Variants in STK31 observed in about 807,000 individuals in gnomAD.
The protein encoded by STK31 is serine/threonine kinase 31.
Under a neutral mutation model 129.7 loss-of-function variants are expected in STK31, and 89 were observed. The observed-to-expected ratio is 0.69, with a 90% CI of 0.58 to 0.82. STK31 has a LOEUF of 0.82. STK31 is among the 40% of genes least tolerant of loss of function. STK31 has a pLI of 0.00. For synonymous variants in STK31, 448 were observed against 395.3 expected, an observed-to-expected ratio of 1.13 and a Z score of -1.58; for missense variants, 1,187 against 1,176.4, an observed-to-expected ratio of 1.01 and a Z score of -0.13.
chr7:23,739,889 G>A (rs1787953243), intron 8 of STK31, among the ~76,000 whole-genome samples: 1 of 152,128 alleles, frequency 6.6e-6, no homozygotes, highest in South Asian at 2.1e-4. Flanking sequence ...TTGTAGTATA[G>A]TTTGAAGTCA....
chr7:23,715,631 A>T (rs928750985), intron 3 of STK31, among the ~76,000 whole-genome samples: 4 of 152,016 alleles, frequency 2.6e-5, no homozygotes, highest in Admixed American at 2.0e-4. Flanking sequence ...GTATAGTGAA[A>T]AAATATAGTT....
intron 23 of STK31, among the ~76,000 whole-genome samples, chr7:23,822,787 C>T (rs1416782989): frequency 6.6e-6 from 1 of 152,118 alleles, no homozygotes; most frequent in Non-Finnish European, 1.5e-5. Flanking sequence ...TGATGTTCCC[C>T]TTCCTGTGTC....
chr7:23,830,258 G>T (rs1388892569), intron 23 of STK31, among the ~76,000 whole-genome samples: 1 of 151,872 alleles, frequency 6.6e-6, no homozygotes, highest in Non-Finnish European at 1.5e-5. Context: ...TTTTTTTGTG[G>T]ATCCTTTGTA....
Position 23,769,721 on chromosome 7 carries a change from T to A in STK31, c.1678T>A (p.Ser560Thr). 1.2e-6 allele frequency: 2 copies of A among 1,610,996 alleles called. No homozygotes were observed. Among genetic ancestry groups the A allele is most frequent in the Non-Finnish European group, 1.7e-6 (2 of 1,178,284 alleles). ...TGATGAAATCCTAGAGAAGACTGAG[T>A]CAAGTGTCTGCAAAGAGCTGGAGAT... The part of the protein sequence containing the change: ...NIDEILEKTE[S>T]SVCKELEIAL... Residue 560 changes from serine to threonine, a missense_variant, in exon 13 of 24, where the codon TCA becomes ACA. This residue lies in a region of STK31 where 975 missense variants were observed against 934.9 expected (regional missense o/e 1.04). Transcript: ENST00000355870.
chr7:23,790,705 G>C (rs1003658714), intron 21 of STK31, 119 bp from the exon 22 acceptor site: 16 of 1,009,308 alleles, frequency 1.6e-5, no homozygotes, highest in Non-Finnish European at 2.2e-5. Flanking sequence ...ATATTTGAAA[G>C]CAAGGGAATG....
At chr7:23,767,447 A>G (rs1287822818) in intron 11 of STK31, among the ~76,000 whole-genome samples, 1 of 152,158 alleles carries the variant, frequency 6.6e-6, no homozygotes, top group Non-Finnish European at 1.5e-5. Flanking sequence ...CTAGCTTCTG[A>G]TGTTGCCATC....
intron 18 of STK31, among the ~76,000 whole-genome samples, 187 bp from the exon 19 acceptor site, chr7:23,786,321 G>T (rs1039996403): frequency 6.6e-6 from 1 of 151,680 alleles, no homozygotes; most frequent in Non-Finnish European, 1.5e-5. Context: ...GCAGGCTACA[G>T]GTAGAATTGC....
intron 10 of STK31, among the ~76,000 whole-genome samples, 160 bp from the exon 11 acceptor site, chr7:23,762,641 G>GT (rs1175570012): frequency 3.3e-5 from 5 of 152,102 alleles, no homozygotes; most frequent in African/African-American, 4.8e-5. Flanking sequence ...GAGAAAGGAA[G>GT]TTTTTTTGTC....
chr7:23,799,669 A>C (rs1465985426), intron 22 of STK31, among the ~76,000 whole-genome samples: 1 of 152,234 alleles, frequency 6.6e-6, no homozygotes, highest in African/African-American at 2.4e-5. Context: ...CATTTAGGAC[A>C]TAGGCATGGG....
chr7:23,821,676 T>C (rs10239832), intron 23 of STK31, among the ~76,000 whole-genome samples: 18,905 of 152,178 alleles, frequency 0.12, 1,771 homozygotes, highest in African/African-American at 0.26. Context: ...TTTGTCTCTT[T>C]TTGTTTTTGT....
At chr7:23,783,525 A>G (rs10950961) in intron 16 of STK31, 58 bp from the exon 17 acceptor site, 601,261 of 1,248,866 alleles carry the variant, frequency 0.48, 146,756 homozygotes, top group South Asian at 0.53. Flanking sequence ...GAAGAGCAAC[A>G]TGTCAAAATT....
chr7:23,762,763 A>G, intron 10 of STK31, 38 bp from the exon 11 acceptor site: 1 of 1,601,504 alleles, frequency 6.2e-7, no homozygotes, highest in Non-Finnish European at 8.5e-7. Flanking sequence ...AAAAGACCTG[A>G]TGTATTAATG....
chr7:23,713,803 C>G, intron 3 of STK31, among the ~76,000 whole-genome samples: 1 of 151,504 alleles, frequency 6.6e-6, no homozygotes, highest in East Asian at 1.9e-4. Flanking sequence ...GGACTTGAGG[C>G]GGCTGTACAG....
intron 23 of STK31, among the ~76,000 whole-genome samples, chr7:23,817,459 C>G (rs1031409578): frequency 6.6e-6 from 1 of 152,150 alleles, no homozygotes; most frequent in Non-Finnish European, 1.5e-5. Context: ...CTTCTGTGAT[C>G]TGAGTCAGTT....
chr7:23,784,185 T>C (rs1051760083), intron 17 of STK31, among the ~76,000 whole-genome samples: 1 of 152,068 alleles, frequency 6.6e-6, no homozygotes, highest in African/African-American at 2.4e-5. Flanking sequence ...TAAACACTGG[T>C]TTACTAATCT....
In STK31 at chr7:23,744,973, G is replaced by A. The variant is rs116488126; in HGVS notation, c.1018-7744G>A. ...GTAGCAGCAGTGGTGGGCCAGACAG[G>A]TGAGTGTGTTCTTGGGCTCTTAGGC... On this transcript the variant is annotated intron_variant, in intron 8 of 23. Coordinates refer to ENST00000355870, the MANE Select transcript of STK31 (RefSeq NM_031414.5). Among the ~76,000 whole-genome samples, 497 of 152,322 alleles carry A rather than the reference G, an allele frequency of 3.3e-3. 5 individuals carry two copies. Among genetic ancestry groups the A allele is most frequent in the African/African-American group, 0.011 (452 of 41,566 alleles).
intron 15 of STK31, 93 bp downstream of exon 15, chr7:23,772,371 C>A (rs2128104387): frequency 1.6e-6 from 2 of 1,269,512 alleles, no homozygotes; most frequent in East Asian, 2.6e-5. Flanking sequence ...ACACTCTTTA[C>A]AATAAGAGAG....
chr7:23,832,193 G>T lies in STK31; in HGVS notation c.2887G>T (p.Ala963Ser), dbSNP rs781570726. Residue 963 changes from alanine (A) to serine (S), a missense_variant, in exon 24 of 24, where the codon GCT (alanine) becomes TCT (serine). Ala to Ser is a moderately conservative substitution (Grantham distance 99, BLOSUM62 1). This residue lies in a region of STK31 where 975 missense variants were observed against 934.9 expected (regional missense o/e 1.04). Transcript: ENST00000355870. ...GATATGTTATAGAAGTTCAATGACT[G>T]CTGAACAAGTTTTAAATGCTGAATG... ...SLICYRSSMT[A>S]EQVLNAECFL... The T allele has an allele frequency of 1.2e-6, 2 of 1,614,030 alleles. No homozygotes were observed. The highest frequency in any genetic ancestry group is 1.3e-5 in the African/African-American group (1 of 74,926).
intron 22 of STK31, among the ~76,000 whole-genome samples, chr7:23,807,189 A>G (rs1792766166): frequency 1.3e-5 from 2 of 151,944 alleles, no homozygotes. Flanking sequence ...TTCTCCTTTT[A>G]TCATTTTTAT....
Sources: gnomAD v4.1 joint callset for allele counts (sites outside exome capture counted in the v4.1 genomes callset) on GRCh38, gnomAD v4.1.1 for gene constraint, gnomAD v4.1.1 regional missense constraint, MANE v1.5 for transcripts, NCBI Gene and HGNC (gene_info 2026-07-23, HGNC 2026-07-21) for gene names.